FUT9: variants seen among roughly 807,000 people sequenced by gnomAD.
The protein encoded by FUT9 is 4-galactosyl-N-acetylglucosaminide 3-alpha-L-fucosyltransferase 9.
Under a neutral mutation model 29.7 loss-of-function variants are expected in FUT9, and 15 were observed. That is an observed-to-expected ratio of 0.51 (90% CI 0.34 to 0.78). The LOEUF (loss-of-function observed/expected upper bound fraction) is 0.78. Ranked by LOEUF, FUT9 falls within the 30% of genes least tolerant of loss-of-function variation. The probability of loss-of-function intolerance (pLI) is 0.01; values close to 1 mark genes in which losing one functional copy is unlikely to be tolerated. For synonymous variants in FUT9, 169 were observed against 153.7 expected (o/e 1.10, Z -0.74); for missense variants, 319 against 425.4 (o/e 0.75, Z 2.20).
At chr6:96,120,136 T>C (rs1432053655) in intron 2 of FUT9, among the ~76,000 whole-genome samples, 1 of 152,078 alleles carries the variant, frequency 6.6e-6, no homozygotes, top group Non-Finnish European at 1.5e-5. Flanking sequence ...CATTATTTTA[T>C]TTTTTTCTGA....
intron 2 of FUT9, among the ~76,000 whole-genome samples, chr6:96,124,578 T>C (rs548316088): frequency 6.6e-6 from 1 of 152,292 alleles, no homozygotes; most frequent in South Asian, 2.1e-4. Flanking sequence ...TACTTGCTTA[T>C]ATTCCATTCT....
chr6:96,175,566 A>G (rs1243792704), intron 2 of FUT9, among the ~76,000 whole-genome samples: 3 of 152,224 alleles, frequency 2.0e-5, no homozygotes, highest in Non-Finnish European at 4.4e-5. Flanking sequence ...ACCTAGTTTA[A>G]TGTAGATTTA....
chr6:96,193,241 G>T, intron 2 of FUT9, among the ~76,000 whole-genome samples: 1 of 136,712 alleles, frequency 7.3e-6, no homozygotes, highest in Non-Finnish European at 1.6e-5. Context: ...CACAGCCAAA[G>T]AAACTACCAT....
chr6:96,128,952 T>C (rs12663926), intron 2 of FUT9, among the ~76,000 whole-genome samples: 23,568 of 151,472 alleles, frequency 0.16, 2,150 homozygotes, highest in East Asian at 0.33. Context: ...TGGTGAAACA[T>C]CTCCACAAAA....
rs151109147 is a variant in FUT9, at chr6:96,148,506, C to T, written c.-9+34379C>T. ...GTAAAAATTACATGGTATAATCAGT[C>T]GAGCTGTGGAAATGGGCTCTGAAGG... On this transcript the variant is annotated intron_variant, in intron 2 of 2. Transcript: ENST00000302103. 1.2e-3 allele frequency among the ~76,000 whole-genome samples: 182 copies of T among 152,218 alleles called. 1 individual carries two copies. In the Middle Eastern group the frequency reaches 0.027, roughly 23 times the overall value.
At position 96,021,812 on chromosome 6, in the gene FUT9, T is replaced by C. The variant is rs147535655; in HGVS notation, c.-98+5600T>C. On this transcript the variant is annotated intron_variant, in intron 1 of 2. Coordinates refer to ENST00000302103, the MANE Select transcript of FUT9 (RefSeq NM_006581.4). ...CAATTACTTTTATAGCCAGGTAAAGTTTATAATATATATGTTATTGAAAAA... is the reference window on the plus strand; with the variant it reads ...CAATTACTTTTATAGCCAGGTAAAGCTTATAATATATATGTTATTGAAAAA... 4.9e-3 allele frequency among the ~76,000 whole-genome samples: 744 copies of C among 152,116 alleles called. 2 individuals are homozygous for C. Among genetic ancestry groups the C allele is most frequent in the Admixed American group, 0.012 (179 of 15,272 alleles).
intron 1 of FUT9, among the ~76,000 whole-genome samples, chr6:96,064,106 G>C (rs1770921825): frequency 6.6e-6 from 1 of 152,000 alleles, no homozygotes; most frequent in South Asian, 2.1e-4. Flanking sequence ...CTCACATTGG[G>C]GTAGAACAAT....
intron 1 of FUT9, among the ~76,000 whole-genome samples, chr6:96,098,786 T>G (rs1373907521): frequency 6.6e-6 from 1 of 152,168 alleles, no homozygotes; most frequent in African/African-American, 2.4e-5. Context: ...TCAACCCACA[T>G]TTATTCATCC....
rs575466245 is a variant in FUT9 at position 96,207,565 on chromosome 6, G to C, written c.*3330G>C. On this transcript the variant is annotated 3_prime_UTR_variant, in exon 3 of 3. Transcript: ENST00000302103. ...TAAGTGAAATACAACCCTCAAGAAAGTGTATGGTTCACAGCCACTCCTTTA... is the reference window on the plus strand; with the variant it reads ...TAAGTGAAATACAACCCTCAAGAAACTGTATGGTTCACAGCCACTCCTTTA... 7.2e-5 allele frequency: 12 copies of C among 167,096 alleles called. No individual in the cohort carries two copies. In the South Asian group the frequency reaches 2.5e-3, roughly 35 times the overall value. 10.4% of individuals were successfully genotyped at this position (167,096 alleles called of 1,614,324 possible). A position where few individuals can be genotyped will look rare whatever the true frequency, so the allele number is the denominator to read the frequency against.
intron 2 of FUT9, among the ~76,000 whole-genome samples, chr6:96,183,168 T>C (rs1773341104): frequency 1.3e-5 from 2 of 152,066 alleles, no homozygotes; most frequent in African/African-American, 4.8e-5. Flanking sequence ...CTTGGTTAGG[T>C]ATATTCCTAA....
intron 1 of FUT9, among the ~76,000 whole-genome samples, chr6:96,038,125 A>G (rs1222727382): frequency 6.6e-6 from 1 of 152,158 alleles, no homozygotes; most frequent in African/African-American, 2.4e-5. Flanking sequence ...AACTTCAGGT[A>G]AAAGAAATAC....
chr6:96,132,514 A>T (rs12664884), intron 2 of FUT9, among the ~76,000 whole-genome samples: 7,992 of 152,108 alleles, frequency 0.053, 463 homozygotes, highest in East Asian at 0.32. Context: ...AGTACATAAT[A>T]TAGAGGAATA....
At chr6:96,029,365 G>T (rs62418403) in intron 1 of FUT9, among the ~76,000 whole-genome samples, 7,994 of 151,542 alleles carry the variant, frequency 0.053, 436 homozygotes, top group Admixed American at 0.13. Context: ...ATTGGAAGCA[G>T]GGTGGGGACA....
intron 1 of FUT9, among the ~76,000 whole-genome samples, chr6:96,055,703 CTTTTTCTT>C (rs1243914220): frequency 9.6e-6 from 1 of 103,662 alleles, no homozygotes. Flanking sequence ...TTTTCTATTT[CTTTTTCTT>C]TTTTTTTTTT....
intron 1 of FUT9, among the ~76,000 whole-genome samples, chr6:96,024,669 A>G (rs1310401341): frequency 3.3e-5 from 5 of 151,732 alleles, no homozygotes; most frequent in Non-Finnish European, 5.9e-5. Flanking sequence ...GCAATATCTT[A>G]TATCTCTTAA....
chr6:96,108,919 G>C (rs1013467400), intron 1 of FUT9, among the ~76,000 whole-genome samples: 1 of 152,054 alleles, frequency 6.6e-6, no homozygotes, highest in Non-Finnish European at 1.5e-5. Context: ...TTCAAGGGCA[G>C]AGAGAGAGTG....
chr6:96,058,742 T>G (rs1770821299), intron 1 of FUT9, among the ~76,000 whole-genome samples: 1 of 152,206 alleles, frequency 6.6e-6, no homozygotes, highest in Admixed American at 6.6e-5. Context: ...ATTAAAAACC[T>G]GGCAATCTTA....
At chr6:96,120,946 C>G (rs1421405851) in intron 2 of FUT9, among the ~76,000 whole-genome samples, 1 of 152,020 alleles carries the variant, frequency 6.6e-6, no homozygotes, top group Non-Finnish European at 1.5e-5. Context: ...ATTTTTCTTA[C>G]ACATACCGTC....
intron 1 of FUT9, among the ~76,000 whole-genome samples, chr6:96,059,195 A>T (rs563948832): frequency 6.6e-6 from 1 of 152,334 alleles, no homozygotes; most frequent in African/African-American, 2.4e-5. Flanking sequence ...ATATCACACT[A>T]AAGAAGAGTG....
Sources: gnomAD v4.1 joint callset for allele counts (sites outside exome capture counted in the v4.1 genomes callset) on GRCh38, gnomAD v4.1.1 for gene constraint, MANE v1.5 for transcripts, NCBI Gene and HGNC (gene_info 2026-07-23, HGNC 2026-07-21) for gene names.